The following SPHKAP variants were observed in gnomAD, a reference collection of about 807,000 sequenced individuals.
SPHKAP encodes the protein SPHK1 interactor, AKAP domain containing.
Under a neutral mutation model 137.5 loss-of-function variants are expected in SPHKAP, and 67 were observed. The observed-to-expected ratio is 0.49, with a 90% CI of 0.40 to 0.60. The LOEUF is 0.60. Among genes scored for constraint, SPHKAP ranks in the 20% least tolerant of loss-of-function variants. The pLI is 0.00. For missense variants in SPHKAP, 2,097 were observed against 2,069.3 expected (o/e 1.01, Z -0.26); for synonymous variants, 813 against 785.3 (o/e 1.04, Z -0.59).
Position 228,025,348 on chromosome 2 carries a change from T to C in SPHKAP, c.441+46A>G, listed in dbSNP as rs760375353. 6 of 1,608,036 alleles carry C rather than the reference T, an allele frequency of 3.7e-6. No individual in the cohort carries two copies. The Admixed American group carries it at 1.0e-4, about 27-fold the overall frequency. Reference sequence around the variant, plus strand: ...GGGTTTACACTGATCTGTGCTGAGCTAACTATAGATGTAAGTAAATGGCTT... The same window carrying C: ...GGGTTTACACTGATCTGTGCTGAGCCAACTATAGATGTAAGTAAATGGCTT... On this transcript the variant is annotated intron_variant, in intron 5 of 11. Coordinates refer to ENST00000392056, the MANE Select transcript of SPHKAP (RefSeq NM_001142644.2).
rs185544962 is a variant in SPHKAP, at chr2:228,058,933, T to C, written c.247-31390A>G. 8.3e-4 allele frequency among the ~76,000 whole-genome samples: 126 copies of C among 152,364 alleles called. No homozygotes were observed. In the South Asian group the frequency reaches 9.3e-3, roughly 11 times the overall value. ...ACTCTCCCAAGAATTCTCTGATGCTTGCCTTTCATAGGCAGACCCTCTCCC... is the reference window on the plus strand; with the variant it reads ...ACTCTCCCAAGAATTCTCTGATGCTCGCCTTTCATAGGCAGACCCTCTCCC... On this transcript the variant is annotated intron_variant, in intron 3 of 11. Transcript: ENST00000392056.
Position 227,993,629 on chromosome 2 carries a change from G to A in SPHKAP, c.4635-9C>T, listed in dbSNP as rs1481539219. ...CACTACTGTTGCCATTGCTGACAAA[G>A]CAAAAGTTTACATATTAATGCCCGT... On this transcript the variant is annotated splice_polypyrimidine_tract_variant and intron_variant, in intron 8 of 11. Coordinates refer to ENST00000392056, the MANE Select transcript of SPHKAP (RefSeq NM_001142644.2). 1.9e-6 allele frequency: 3 copies of A among 1,579,482 alleles called. No homozygotes were observed. The highest frequency in any genetic ancestry group is 2.6e-6 in the Non-Finnish European group (3 of 1,161,706).
intron 3 of SPHKAP, among the ~76,000 whole-genome samples, chr2:228,036,571 GAC>G (rs1331614247): frequency 6.6e-6 from 1 of 152,046 alleles, no homozygotes; most frequent in East Asian, 1.9e-4. Context: ...CTGCTATAAA[GAC>G]ACATGCACAC....
intron 1 of SPHKAP, among the ~76,000 whole-genome samples, chr2:228,154,450 TA>T (rs1194491958): frequency 2.1e-5 from 3 of 143,734 alleles, no homozygotes; most frequent in Admixed American, 1.4e-4. Context: ...TATTACTTAT[TA>T]AATTCTATTT....
intron 6 of SPHKAP, 77 bp from the exon 7 acceptor site, chr2:228,020,233 C>G: frequency 1.3e-6 from 2 of 1,503,996 alleles, no homozygotes; most frequent in South Asian, 2.7e-5. Flanking sequence ...TAATTACTTT[C>G]TAAAAATAAA....
intron 1 of SPHKAP, among the ~76,000 whole-genome samples, chr2:228,149,777 A>G (rs1699877692): frequency 6.6e-6 from 1 of 152,080 alleles, no homozygotes; most frequent in Non-Finnish European, 1.5e-5. Context: ...TTTCTGATTT[A>G]TATTCAGCAA....
In SPHKAP at chr2:228,041,858, G is replaced by A. The variant is rs11891230; in HGVS notation, c.247-14315C>T. Among the ~76,000 whole-genome samples, 1,430 of 152,070 alleles carry A rather than the reference G, an allele frequency of 9.4e-3. 29 individuals carry two copies. Among genetic ancestry groups the A allele is most frequent in the African/African-American group, 0.033 (1,361 of 41,462 alleles). On this transcript the variant is annotated intron_variant, in intron 3 of 11. Coordinates refer to ENST00000392056, the MANE Select transcript of SPHKAP (RefSeq NM_001142644.2). The stretch of plus-strand genomic sequence containing the variant: ...CTCTGGCTCTGCTCTCAGCTCCTAT[G>A]CTGTTGTGAGGAAAGGAGATGGGAG...
chr2:228,071,515 G>A (rs984046511), intron 3 of SPHKAP, among the ~76,000 whole-genome samples: 2 of 152,092 alleles, frequency 1.3e-5, no homozygotes, highest in Non-Finnish European at 2.9e-5. Context: ...TTTGCTTTAA[G>A]TTGTCATATA....
chr2:228,043,826 CT>C (rs1695936590), intron 3 of SPHKAP, among the ~76,000 whole-genome samples: 1 of 152,048 alleles, frequency 6.6e-6, no homozygotes, highest in Non-Finnish European at 1.5e-5. Context: ...CCATTAAAGA[CT>C]TTTTTCACCT....
At chr2:228,038,430 A>C (rs1320749033) in intron 3 of SPHKAP, among the ~76,000 whole-genome samples, 1 of 152,162 alleles carries the variant, frequency 6.6e-6, no homozygotes, top group Admixed American at 6.5e-5. Context: ...AAAACCTGGA[A>C]GATTCTGCAT....
At chr2:228,015,501 C>G (rs1694547418) in intron 7 of SPHKAP, among the ~76,000 whole-genome samples, 2 of 151,996 alleles carry the variant, frequency 1.3e-5, no homozygotes, top group Admixed American at 1.3e-4. Flanking sequence ...TAACTACAAA[C>G]CAAAGCTAAA....
At chr2:228,055,299 G>C (rs753264638) in intron 3 of SPHKAP, among the ~76,000 whole-genome samples, 16 of 152,030 alleles carry the variant, frequency 1.1e-4, no homozygotes, top group Non-Finnish European at 2.1e-4. Context: ...ATAAATAAAT[G>C]GTAGAGTAAT....
intron 2 of SPHKAP, among the ~76,000 whole-genome samples, chr2:228,121,681 G>T (rs924604225): frequency 1.3e-5 from 2 of 152,182 alleles, no homozygotes; most frequent in African/African-American, 4.8e-5. Flanking sequence ...GAGAGTATGA[G>T]CCCTGATATG....
intron 11 of SPHKAP, chr2:227,982,094 T>A: frequency 2.0e-6 from 2 of 984,620 alleles, no homozygotes; most frequent in Non-Finnish European, 2.4e-6. Flanking sequence ...ATTCATTGAC[T>A]GCAGAGGATT....
Position 228,016,589 on chromosome 2 carries a change from C to G in SPHKAP, c.4265G>C (p.Cys1422Ser). The change falls in exon 7 of 12, where the codon TGC becomes TCC. Residue 1422 changes from cysteine (C) to serine (S), a missense_variant. By Grantham distance (112) the Cys-to-Ser change is moderately radical (BLOSUM62 -1). Transcript: ENST00000392056. The stretch of plus-strand genomic sequence containing the variant: ...CTGAATCAAAGGCACTTCCCTCGAG[C>G]AAAGTGATCGCCTTTTGTGGTTTAT... Reference protein sequence around the residue: ...VPINHKRRSLCSREVPLIQIE... With the variant: ...VPINHKRRSLSSREVPLIQIE... 1 of 1,614,110 alleles carries G rather than the reference C, an allele frequency of 6.2e-7. No homozygotes were observed.
At chr2:228,170,504 A>T (rs1700550969) in intron 1 of SPHKAP, among the ~76,000 whole-genome samples, 1 of 152,126 alleles carries the variant, frequency 6.6e-6, no homozygotes, top group African/African-American at 2.4e-5. Flanking sequence ...AAGTTTGCAC[A>T]GCCACCCCAA....
At chr2:228,082,823 C>G (rs981740790) in intron 3 of SPHKAP, among the ~76,000 whole-genome samples, 6 of 152,188 alleles carry the variant, frequency 3.9e-5, no homozygotes, top group African/African-American at 1.4e-4. Flanking sequence ...ATGAATCCAC[C>G]TAATGTGCTT....
intron 5 of SPHKAP, among the ~76,000 whole-genome samples, chr2:228,023,572 C>A (rs1694919217): frequency 6.6e-6 from 1 of 152,206 alleles, no homozygotes; most frequent in Non-Finnish European, 1.5e-5. Flanking sequence ...TTTCTTTCCA[C>A]TGAGTTTAGA....
At chr2:228,014,745 A>G (rs7585297) in intron 7 of SPHKAP, among the ~76,000 whole-genome samples, 2 of 151,920 alleles carry the variant, frequency 1.3e-5, no homozygotes, top group Non-Finnish European at 2.9e-5. Context: ...AAAAGTATCA[A>G]GAATTTTCAG....
Sources: gnomAD v4.1 joint callset for allele counts (sites outside exome capture counted in the v4.1 genomes callset) on GRCh38, gnomAD v4.1.1 for gene constraint, MANE v1.5 for transcripts, NCBI Gene and HGNC (gene_info 2026-07-23, HGNC 2026-07-21) for gene names.